The following KCNB2 variants were observed in gnomAD, a reference collection of about 807,000 sequenced individuals.
The protein encoded by KCNB2 is potassium voltage-gated channel subfamily B member 2.
KCNB2 carries 15 observed loss-of-function variants against 61.5 expected under a neutral mutation model. The ratio of observed to expected loss-of-function variants is 0.24; its 90% CI spans 0.16 to 0.38. The LOEUF (loss-of-function observed/expected upper bound fraction) is 0.38. Among genes scored for constraint, KCNB2 ranks in the 10% least tolerant of loss-of-function variants. The pLI, the probability that KCNB2 is intolerant of heterozygous loss-of-function variation, is 1.00. For synonymous variants in KCNB2, 457 were observed against 446.0 expected (o/e 1.02, Z -0.31); for missense variants, 828 against 1,125.2 (o/e 0.74, Z 3.78).
chr8:72,841,356 CTTTTCTTTTTT>C (rs199677697), intron 2 of KCNB2, among the ~76,000 whole-genome samples: 37,072 of 98,968 alleles, frequency 0.37, 4,485 homozygotes, highest in Non-Finnish European at 0.45. Context: ...ACTTTGTTTT[CTTTTCTTTTTT>C]TTTTCTTTTT....
At chr8:72,668,944 T>C (rs1483159697) in intron 2 of KCNB2, among the ~76,000 whole-genome samples, 1 of 152,182 alleles carries the variant, frequency 6.6e-6, no homozygotes. Context: ...TGCATGTGTG[T>C]GTGTGTCTTT....
chr8:72,548,353 C>G (rs2128977063), intron 1 of KCNB2, among the ~76,000 whole-genome samples: 1 of 152,204 alleles, frequency 6.6e-6, no homozygotes, highest in Middle Eastern at 3.4e-3. Context: ...AGACATAAAC[C>G]AGTCATTGAC....
chr8:72,915,414 C>T (rs2981126), intron 2 of KCNB2, among the ~76,000 whole-genome samples: 131,173 of 152,112 alleles, frequency 0.86, 57,466 homozygotes, highest in African/African-American at 0.92. Context: ...AGAAGTTAAG[C>T]TTCTTAATTA....
At chr8:72,889,778 A>G (rs1300350547) in intron 2 of KCNB2, among the ~76,000 whole-genome samples, 2 of 152,178 alleles carry the variant, frequency 1.3e-5, no homozygotes, top group East Asian at 3.9e-4. Flanking sequence ...ATATATATAT[A>G]TGGAGTCTCA....
At chr8:72,653,073 G>A (rs960146135) in intron 2 of KCNB2, among the ~76,000 whole-genome samples, 1 of 152,030 alleles carries the variant, frequency 6.6e-6, no homozygotes, top group Non-Finnish European at 1.5e-5. Flanking sequence ...CCTCCTCTCT[G>A]TGTCTGTATC....
chr8:72,573,857 G>A (rs1431651), intron 2 of KCNB2, among the ~76,000 whole-genome samples: 70,934 of 152,110 alleles, frequency 0.47, 20,111 homozygotes, highest in Non-Finnish European at 0.62. Flanking sequence ...GGGCTAATTA[G>A]CATGCCAGTC....
chr8:72,884,795 G>C (rs1440691950), intron 2 of KCNB2, among the ~76,000 whole-genome samples: 1 of 152,068 alleles, frequency 6.6e-6, no homozygotes, highest in African/African-American at 2.4e-5. Context: ...CCCACACCAA[G>C]ATCACATGTC....
chr8:72,719,439 A>G (rs576902992), intron 2 of KCNB2, among the ~76,000 whole-genome samples: 142 of 152,268 alleles, frequency 9.3e-4, no homozygotes, highest in Non-Finnish European at 1.6e-3. Context: ...CATTCCTTTC[A>G]TCTCAGATCT....
intron 2 of KCNB2, among the ~76,000 whole-genome samples, chr8:72,846,270 C>G (rs1233839958): frequency 6.6e-6 from 1 of 152,170 alleles, no homozygotes; most frequent in East Asian, 1.9e-4. Flanking sequence ...CCTCCATGGG[C>G]TGCACCCACT....
chr8:72,797,958 A>G (rs1056399802), intron 2 of KCNB2, among the ~76,000 whole-genome samples: 58 of 152,234 alleles, frequency 3.8e-4, no homozygotes, highest in African/African-American at 1.3e-3. Flanking sequence ...CCCATTTCCT[A>G]TCTCACTTGT....
intron 2 of KCNB2, among the ~76,000 whole-genome samples, chr8:72,684,142 T>C (rs183663071): frequency 7.2e-5 from 11 of 152,296 alleles, no homozygotes; most frequent in African/African-American, 2.2e-4. Context: ...GAGATACTTA[T>C]AATCTACAGG....
At chr8:72,795,071 A>G (rs1168229815) in intron 2 of KCNB2, among the ~76,000 whole-genome samples, 1 of 152,220 alleles carries the variant, frequency 6.6e-6, no homozygotes, top group Non-Finnish European at 1.5e-5. Flanking sequence ...GAAAATATAT[A>G]GGTAAAAATG....
At chr8:72,545,676 G>T (rs532357315) in intron 1 of KCNB2, among the ~76,000 whole-genome samples, 3 of 152,182 alleles carry the variant, frequency 2.0e-5, no homozygotes, top group African/African-American at 7.2e-5. Flanking sequence ...GTATCCAAGT[G>T]AAAGGAAGAA....
intron 2 of KCNB2, among the ~76,000 whole-genome samples, chr8:72,825,140 A>G (rs1809575639): frequency 6.6e-6 from 1 of 152,210 alleles, no homozygotes; most frequent in African/African-American, 2.4e-5. Context: ...AAGTGGAATC[A>G]TACAGTATTT....
At chr8:72,797,423 C>A (rs548582916) in intron 2 of KCNB2, among the ~76,000 whole-genome samples, 1 of 152,302 alleles carries the variant, frequency 6.6e-6, no homozygotes, top group South Asian at 2.1e-4. Flanking sequence ...AAATTGACCT[C>A]ATTTAAATTA....
intron 2 of KCNB2, among the ~76,000 whole-genome samples, chr8:72,806,928 G>A (rs1326401784): frequency 1.3e-5 from 2 of 152,188 alleles, no homozygotes; most frequent in Non-Finnish European, 2.9e-5. Context: ...GCTAAAGAAT[G>A]TATCACAGAT....
At position 72,654,905 on chromosome 8, in the gene KCNB2, G is replaced by A. The variant is rs144588127; in HGVS notation, c.579+86592G>A. Among the ~76,000 whole-genome samples the A allele has an allele frequency of 3.7e-3, 557 of 152,210 alleles. 2 individuals carry two copies. Among genetic ancestry groups the A allele is most frequent in the African/African-American group, 0.012 (511 of 41,544 alleles). On this transcript the variant is annotated intron_variant, in intron 2 of 2. Transcript: ENST00000523207. ...GAAAGCAGTTTGGCGATTTCTCAAA[G>A]AACTTAGAACTACCATTTGACTCAG...
At chr8:72,607,752 T>C (rs994576252) in intron 2 of KCNB2, among the ~76,000 whole-genome samples, 2 of 152,194 alleles carry the variant, frequency 1.3e-5, no homozygotes, top group African/African-American at 4.8e-5. Flanking sequence ...TTTTATTTGT[T>C]ATAAAATAGA....
chr8:72,718,402 T>C (rs1355876790), intron 2 of KCNB2, among the ~76,000 whole-genome samples: 1 of 152,106 alleles, frequency 6.6e-6, no homozygotes, highest in Non-Finnish European at 1.5e-5. Context: ...TAGCAAAGAC[T>C]TGGAACGAAC....
Sources: gnomAD v4.1 joint callset for allele counts (sites outside exome capture counted in the v4.1 genomes callset) on GRCh38, gnomAD v4.1.1 for gene constraint, MANE v1.5 for transcripts, NCBI Gene and HGNC (gene_info 2026-07-23, HGNC 2026-07-21) for gene names.